The following GLMN variants were observed in gnomAD, a reference collection of about 807,000 sequenced individuals.
The protein encoded by GLMN is glomulin, FKBP associated protein, also known as glomulin.
GLMN carries 75 observed loss-of-function variants against 87.8 expected under a neutral mutation model. The ratio of observed to expected loss-of-function variants is 0.85; its 90% confidence interval spans 0.71 to 1.04. The LOEUF (loss-of-function observed/expected upper bound fraction) is 1.04, where lower values mean the gene tolerates loss of function less well. Among genes scored for constraint, GLMN ranks in the 50% least tolerant of loss-of-function variants. GLMN has a pLI of 0.00. For missense variants in GLMN, 588 were observed against 658.8 expected (o/e 0.89, Z 1.18); for synonymous variants, 206 against 221.6 (o/e 0.93, Z 0.63).
At chr1:92,258,125 G>C (rs191486022) in intron 16 of GLMN, among the ~76,000 whole-genome samples, 2 of 152,182 alleles carry the variant, frequency 1.3e-5, no homozygotes, top group East Asian at 3.9e-4. Context: ...CTCAAAAGAA[G>C]ATATTTATGC....
chr1:92,334,034 A>G, the GLMN span, among the ~76,000 whole-genome samples: 1 of 152,208 alleles, frequency 6.6e-6, no homozygotes, highest in South Asian at 2.1e-4. Flanking sequence ...TTTTTCTTTC[A>G]AAAAGAACTT....
chr1:92,309,139 A>T, the GLMN span, among the ~76,000 whole-genome samples: 1 of 151,716 alleles, frequency 6.6e-6, no homozygotes. Context: ...CTCACTAAAA[A>T]AGAAAGATGA....
At chr1:92,287,525 G>A (rs1648914678) in intron 6 of GLMN, among the ~76,000 whole-genome samples, 1 of 151,284 alleles carries the variant, frequency 6.6e-6, no homozygotes, top group South Asian at 2.1e-4. Flanking sequence ...ATTTTTTGTA[G>A]AGACAGGGTC....
At chr1:92,279,075 A>AC (rs1472953997) in intron 7 of GLMN, among the ~76,000 whole-genome samples, 1 of 119,182 alleles carries the variant, frequency 8.4e-6, no homozygotes, top group African/African-American at 3.5e-5. Context: ...TGATCCAATC[A>AC]CCTTTTCACT....
At chr1:92,247,774 T>C (rs1457465263) in intron 17 of GLMN, 104 bp downstream of exon 17, 1 of 687,616 alleles carries the variant, frequency 1.5e-6, no homozygotes, top group Non-Finnish European at 2.7e-6. Context: ...TGTTATGGTC[T>C]CTAAAGTACA....
the GLMN span, among the ~76,000 whole-genome samples, chr1:92,367,575 T>G: frequency 6.6e-6 from 1 of 152,218 alleles, no homozygotes; most frequent in Non-Finnish European, 1.5e-5. Context: ...CTTTTAGCAG[T>G]CTTTACATCT....
chr1:92,276,442 G>A (rs1227247849), intron 7 of GLMN, among the ~76,000 whole-genome samples: 6 of 151,658 alleles, frequency 4.0e-5, no homozygotes, highest in African/African-American at 7.3e-5. Flanking sequence ...CAGCCAGATC[G>A]CTTGAGCCCA....
the GLMN span, among the ~76,000 whole-genome samples, chr1:92,348,104 T>G: frequency 4.1e-4 from 62 of 152,294 alleles, no homozygotes; most frequent in Middle Eastern, 6.8e-3. Context: ...TTGGTCAGGC[T>G]GGTCTCGAAC....
At chr1:92,269,800 T>A (rs201587664) in intron 8 of GLMN, 24 bp from the exon 9 acceptor site, 1 of 1,405,766 alleles carries the variant, frequency 7.1e-7, no homozygotes, top group Non-Finnish European at 1.0e-6. Flanking sequence ...AAAACAAATA[T>A]ATATATTATA....
chr1:92,332,752 T>G, the GLMN span, among the ~76,000 whole-genome samples: 1 of 152,152 alleles, frequency 6.6e-6, no homozygotes, highest in African/African-American at 2.4e-5. Flanking sequence ...TACCCCTGCC[T>G]TCTTGAAGGA....
chr1:92,365,124 T>G, the GLMN span, among the ~76,000 whole-genome samples: 1 of 152,190 alleles, frequency 6.6e-6, no homozygotes, highest in Non-Finnish European at 1.5e-5. Flanking sequence ...ACCAACTCCT[T>G]AGAAGCCTTC....
At position 92,290,191 on chromosome 1, in the gene GLMN, T is replaced by C. The variant is rs758861400; in HGVS notation, c.394+7A>G. On this transcript the variant is annotated splice_region_variant and intron_variant, in intron 5 of 18. Transcript: ENST00000370360. ...AAGAAGTACTCTGATATCAAAATTC[T>C]CATTACCTGTTTGTAATGGCTGAAG... 5.3e-5 allele frequency: 78 copies of C among 1,467,342 alleles called. No homozygotes were observed. Among genetic ancestry groups the C allele is most frequent in the Middle Eastern group, 3.4e-4 (2 of 5,834 alleles). 90.9% of individuals were successfully genotyped at this position (1,467,342 alleles called of 1,614,324 possible).
chr1:92,359,595 T>C, the GLMN span, among the ~76,000 whole-genome samples: 2 of 152,222 alleles, frequency 1.3e-5, no homozygotes, highest in African/African-American at 4.8e-5. Context: ...GCTGGGATTA[T>C]AGGCATGAGC....
the GLMN span, among the ~76,000 whole-genome samples, chr1:92,355,581 C>A: frequency 6.6e-6 from 1 of 152,178 alleles, no homozygotes; most frequent in African/African-American, 2.4e-5. Flanking sequence ...ACTAGTCAGT[C>A]ACTCTTTCTA....
At chr1:92,271,174 C>T (rs1349318219) in intron 8 of GLMN, among the ~76,000 whole-genome samples, 1 of 152,152 alleles carries the variant, frequency 6.6e-6, no homozygotes, top group African/African-American at 2.4e-5. Flanking sequence ...CCCCTGGGTA[C>T]CTGGCTAGTT....
In GLMN at chr1:92,247,037, GAAAGA is replaced by G. The variant is rs1340759337; in HGVS notation, c.1668+20_1668+24del. The stretch of plus-strand genomic sequence containing the variant: ...GACCCCGTTTCTAAAGAAGAAAAAG[GAAAGA>G]AAAGAAAATTTCAGATCACCTTAAG... On this transcript the variant is annotated intron_variant, in intron 18 of 18. Coordinates refer to ENST00000370360, the MANE Select transcript of GLMN (RefSeq NM_053274.3). The G allele has an allele frequency of 2.5e-6, 3 of 1,216,232 alleles. No homozygotes were observed. Among genetic ancestry groups the G allele is most frequent in the East Asian group, 2.6e-5 (1 of 38,464 alleles). 75.3% of individuals were successfully genotyped at this position (1,216,232 alleles called of 1,614,324 possible).
the GLMN span, among the ~76,000 whole-genome samples, chr1:92,358,784 CA>C: frequency 6.6e-6 from 1 of 152,126 alleles, no homozygotes; most frequent in Non-Finnish European, 1.5e-5. Flanking sequence ...ATAGGGGTCT[CA>C]CTTTGTTGCC....
At chr1:92,345,918 A>C in the GLMN span, 1 of 1,586,410 alleles carries the variant, frequency 6.3e-7, no homozygotes, top group Non-Finnish European at 8.6e-7. Context: ...TGTCATTGTA[A>C]GTACTCTCTC....
chr1:92,322,677 C>T, the GLMN span, among the ~76,000 whole-genome samples: 2 of 151,784 alleles, frequency 1.3e-5, no homozygotes, highest in Non-Finnish European at 2.9e-5. Flanking sequence ...GAATTTGTGA[C>T]CAGCCTGGCC....
Sources: allele counts gnomAD v4.1 joint callset (sites outside exome capture counted in the v4.1 genomes callset), GRCh38; gene constraint gnomAD v4.1.1; transcripts MANE v1.5; gene names NCBI Gene and HGNC (gene_info 2026-07-23, HGNC 2026-07-21).